Variants in SYTL3 observed in about 807,000 individuals in gnomAD.
SYTL3 encodes the protein synaptotagmin-like protein 3.
SYTL3 carries 88 observed loss-of-function variants against 82.1 expected under a neutral mutation model. The ratio of observed to expected loss-of-function variants is 1.07; its 90% CI spans 0.90 to 1.28. The LOEUF is 1.28. Ranked by LOEUF, SYTL3 falls within the 50% of genes most tolerant of loss-of-function variation. The pLI is 0.00. For synonymous variants in SYTL3, 311 were observed against 289.4 expected, an observed-to-expected ratio of 1.07 and a Z score of -0.76; for missense variants, 831 against 757.6, an observed-to-expected ratio of 1.10 and a Z score of -1.14.
chr6:158,697,277 GA>G (rs35335929), intron 6 of SYTL3, among the ~76,000 whole-genome samples: 14,476 of 94,374 alleles, frequency 0.15, 1,270 homozygotes, highest in African/African-American at 0.31. Context: ...CATCTCTACG[GA>G]AAAAAAAAAA....
At chr6:158,745,738 C>T (rs1230664800) in intron 12 of SYTL3, 80 bp downstream of exon 12, 1 of 1,013,500 alleles carries the variant, frequency 9.9e-7, no homozygotes, top group African/African-American at 1.9e-5. Context: ...TAAGAATAAC[C>T]AAGACAATTA....
At chr6:158,764,226 CACCAA>C (rs1411832052) in intron 17 of SYTL3, among the ~76,000 whole-genome samples, 1 of 152,246 alleles carries the variant, frequency 6.6e-6, no homozygotes, top group African/African-American at 2.4e-5. Flanking sequence ...AGACCCAGCC[CACCAA>C]ACCAGAGTCC....
chr6:158,760,363 G>A (rs550510963), intron 14 of SYTL3, among the ~76,000 whole-genome samples: 5 of 152,328 alleles, frequency 3.3e-5, no homozygotes, highest in Admixed American at 3.3e-4. Context: ...CTTAGGGAGT[G>A]TGCAGTGCCC....
At chr6:158,750,034 G>T (rs1324589446) in intron 12 of SYTL3, among the ~76,000 whole-genome samples, 1 of 152,160 alleles carries the variant, frequency 6.6e-6, no homozygotes, top group Non-Finnish European at 1.5e-5. Context: ...TAAATGACTT[G>T]TGTATTCATT....
chr6:158,735,623 G>A (rs927416141), intron 11 of SYTL3, among the ~76,000 whole-genome samples: 12 of 152,040 alleles, frequency 7.9e-5, no homozygotes, highest in Non-Finnish European at 1.3e-4. Context: ...AACAAGGATC[G>A]GAGTAAAAAC....
intron 5 of SYTL3, among the ~76,000 whole-genome samples, chr6:158,681,700 A>C (rs1232871854): frequency 2.0e-5 from 3 of 152,120 alleles, no homozygotes; most frequent in Non-Finnish European, 4.4e-5. Context: ...TTGTCCACTC[A>C]GATTTAAGCC....
chr6:158,667,069 C>T (rs1452807917), intron 5 of SYTL3, among the ~76,000 whole-genome samples: 1 of 152,232 alleles, frequency 6.6e-6, no homozygotes, highest in Non-Finnish European at 1.5e-5. Flanking sequence ...TCAGTATCTT[C>T]TTCCCCATTT....
At position 158,717,668 on chromosome 6, in the gene SYTL3, C is replaced by T. The variant is rs374980086; in HGVS notation, c.596-419C>T. Among the ~76,000 whole-genome samples the T allele has an allele frequency of 4.5e-4, 69 of 152,286 alleles. 3 individuals carry two copies. The South Asian group carries it at 0.013, about 30-fold the overall frequency. On this transcript the variant is annotated intron_variant, in intron 9 of 17. Transcript: ENST00000611299. The stretch of plus-strand genomic sequence containing the variant: ...ATTTTTACCTCGCTTCAAAAAGTCA[C>T]AAGAAATGGTGTTAAGTTGTAACAT...
intron 15 of SYTL3, among the ~76,000 whole-genome samples, chr6:158,761,588 G>A (rs571690638): frequency 1.3e-4 from 20 of 152,074 alleles, no homozygotes; most frequent in East Asian, 5.8e-4. Context: ...GATTACAGGC[G>A]TGAGCCACCA....
At chr6:158,689,659 T>C (rs1482456540) in intron 6 of SYTL3, among the ~76,000 whole-genome samples, 3 of 151,998 alleles carry the variant, frequency 2.0e-5, no homozygotes, top group African/African-American at 4.8e-5. Context: ...AACTTTTTTT[T>C]TTTTTTCCCC....
upstream of SYTL3, among the ~76,000 whole-genome samples, chr6:158,648,914 A>G (rs930334666): frequency 1.3e-5 from 2 of 152,234 alleles, no homozygotes; most frequent in Non-Finnish European, 2.9e-5. Flanking sequence ...AGAAGTGCCT[A>G]TATTTAGATC....
chr6:158,759,668 A>G (rs1469870385), intron 14 of SYTL3, among the ~76,000 whole-genome samples: 1 of 152,044 alleles, frequency 6.6e-6, no homozygotes. Context: ...AGTAGCTGGG[A>G]TTATAGGCGC....
chr6:158,729,156 A>G (rs1355934016), intron 11 of SYTL3, among the ~76,000 whole-genome samples: 5 of 152,360 alleles, frequency 3.3e-5, no homozygotes, highest in Admixed American at 1.3e-4. Flanking sequence ...TAATGCTTCA[A>G]TTAACACTTG....
intron 10 of SYTL3, among the ~76,000 whole-genome samples, chr6:158,723,557 TA>T (rs1014259466): frequency 2.0e-5 from 3 of 152,174 alleles, no homozygotes; most frequent in Admixed American, 1.3e-4. Flanking sequence ...ACATAAGACT[TA>T]CCATCTGTGC....
At chr6:158,693,873 T>TTTTTTTTTTTG (rs61163570) in intron 6 of SYTL3, among the ~76,000 whole-genome samples, 1 of 132,444 alleles carries the variant, frequency 7.6e-6, no homozygotes, top group Admixed American at 7.3e-5. Flanking sequence ...TTTTTTTTTT[T>TTTTTTTTTTTG]GTAGATACAG....
intron 13 of SYTL3, among the ~76,000 whole-genome samples, chr6:158,752,881 T>C (rs530742460): frequency 4.2e-4 from 64 of 152,240 alleles, no homozygotes; most frequent in African/African-American, 1.1e-3. Flanking sequence ...AGCCCTTGTT[T>C]CCTGGGTCCC....
At chr6:158,661,413 G>GAAAGA (rs1789362438) in intron 3 of SYTL3, 28 bp downstream of exon 3, 1 of 152,244 alleles carries the variant, frequency 6.6e-6, no homozygotes, top group African/African-American at 2.4e-5. Context: ...TTGTTGCTTT[G>GAAAGA]TGATTTTCCC....
Position 158,663,118 on chromosome 6 carries a change from C to T in SYTL3, c.-151C>T, listed in dbSNP as rs1016130597. On this transcript the variant is annotated 5_prime_UTR_variant, in exon 4 of 18. Coordinates refer to ENST00000611299, the MANE Select transcript of SYTL3 (RefSeq NM_001242394.2). ...GACACAGTTAAAAAGGAAAAAAGAA[C>T]CACAAGCAAAACAGTTGCCAGTGAA... 1.6e-6 allele frequency: 1 copy of T among 629,920 alleles called. No individual in the cohort carries two copies. Among genetic ancestry groups the T allele is most frequent in the Non-Finnish European group, 2.8e-6 (1 of 360,254 alleles). 39.0% of individuals were successfully genotyped at this position (629,920 alleles called of 1,614,324 possible).
intron 11 of SYTL3, among the ~76,000 whole-genome samples, chr6:158,742,739 C>T (rs1264214061): frequency 3.3e-5 from 5 of 151,990 alleles, no homozygotes; most frequent in Non-Finnish European, 7.4e-5. Context: ...TGCTACCATG[C>T]CCGGCTAATT....
Sources: gnomAD v4.1 joint callset for allele counts (sites outside exome capture counted in the v4.1 genomes callset) on GRCh38, gnomAD v4.1.1 for gene constraint, MANE v1.5 for transcripts, NCBI Gene and HGNC (gene_info 2026-07-23, HGNC 2026-07-21) for gene names.